LRP1B: variants seen among roughly 807,000 people sequenced by gnomAD.
LRP1B encodes the protein low-density lipoprotein receptor-related protein 1B.
In LRP1B, 217 loss-of-function variants were observed where a neutral mutation model predicts 556.6. The ratio of observed to expected loss-of-function variants is 0.39; its 90% CI spans 0.35 to 0.44. The LOEUF (loss-of-function observed/expected upper bound fraction) is 0.44. LRP1B is among the 20% of genes least tolerant of loss of function. The probability of loss-of-function intolerance (pLI) is 1.00; values close to 1 mark genes in which losing one functional copy is unlikely to be tolerated. For missense variants in LRP1B, 5,053 were observed against 5,620.8 expected (o/e 0.90, Z 3.23); for synonymous variants, 2,047 against 1,865.8 (o/e 1.10, Z -2.50).
At chr2:141,211,604 G>A (rs940095870) in intron 6 of LRP1B, among the ~76,000 whole-genome samples, 22 of 152,168 alleles carry the variant, frequency 1.4e-4, no homozygotes, top group African/African-American at 3.6e-4. Flanking sequence ...GAGACAGAGC[G>A]AGACTCCATC....
At chr2:140,397,892 T>G (rs1317671749) in intron 66 of LRP1B, among the ~76,000 whole-genome samples, 1 of 152,208 alleles carries the variant, frequency 6.6e-6, no homozygotes, top group Admixed American at 6.5e-5. Context: ...TATATTTATC[T>G]TGTTCTGTAT....
intron 3 of LRP1B, among the ~76,000 whole-genome samples, chr2:141,465,838 G>C (rs979898073): frequency 2.0e-5 from 3 of 151,768 alleles, no homozygotes; most frequent in Middle Eastern, 3.5e-3. Flanking sequence ...GAGCCACTGT[G>C]CCTGGCCTAT....
At chr2:140,596,757 C>T (rs1682457772) in intron 43 of LRP1B, among the ~76,000 whole-genome samples, 1 of 152,124 alleles carries the variant, frequency 6.6e-6, no homozygotes, top group Non-Finnish European at 1.5e-5. Context: ...CTTCCTGCTA[C>T]GTATGTGGCT....
At chr2:141,542,242 C>G (rs1189722880) in intron 2 of LRP1B, among the ~76,000 whole-genome samples, 1 of 151,822 alleles carries the variant, frequency 6.6e-6, no homozygotes, top group Non-Finnish European at 1.5e-5. Context: ...TATACTAATA[C>G]CAGCTTTCTA....
intron 32 of LRP1B, among the ~76,000 whole-genome samples, chr2:140,808,892 C>T (rs1027104696): frequency 6.6e-6 from 1 of 152,168 alleles, no homozygotes; most frequent in Non-Finnish European, 1.5e-5. Flanking sequence ...CACTAGAAAA[C>T]CTTCGTAGAA....
chr2:141,319,229 T>A (rs1297894969), intron 3 of LRP1B, among the ~76,000 whole-genome samples: 1 of 151,568 alleles, frequency 6.6e-6, no homozygotes, highest in South Asian at 2.1e-4. Flanking sequence ...GAACTTGTCC[T>A]AAAATATCTT....
At chr2:140,843,549 C>T (rs963481420) in intron 29 of LRP1B, among the ~76,000 whole-genome samples, 2 of 152,140 alleles carry the variant, frequency 1.3e-5, no homozygotes, top group East Asian at 3.9e-4. Context: ...ATACTTTACA[C>T]TTTAACCATA....
chr2:141,101,035 C>A (rs1221361862), intron 7 of LRP1B, among the ~76,000 whole-genome samples: 1 of 152,014 alleles, frequency 6.6e-6, no homozygotes, highest in Non-Finnish European at 1.5e-5. Flanking sequence ...CCATGCAAGG[C>A]CGTGAGTGTC....
intron 7 of LRP1B, among the ~76,000 whole-genome samples, chr2:141,140,092 A>T (rs996529378): frequency 1.3e-5 from 2 of 152,092 alleles, no homozygotes; most frequent in African/African-American, 4.8e-5. Flanking sequence ...CAGGCGAAAG[A>T]GTGTGTGCTG....
At chr2:140,340,088 T>G (rs74652457) in intron 77 of LRP1B, among the ~76,000 whole-genome samples, 10 of 151,386 alleles carry the variant, frequency 6.6e-5, no homozygotes, top group Admixed American at 3.3e-4. Context: ...CTTTTTTTTT[T>G]AAGCCTCTTC....
chr2:141,068,209 C>T (rs1474421399), intron 7 of LRP1B, among the ~76,000 whole-genome samples: 3 of 151,872 alleles, frequency 2.0e-5, no homozygotes, highest in Admixed American at 1.3e-4. Context: ...GGTAAATACC[C>T]GGGGTTCATA....
intron 41 of LRP1B, among the ~76,000 whole-genome samples, chr2:140,621,803 A>T (rs942472238): frequency 6.6e-6 from 1 of 152,162 alleles, no homozygotes; most frequent in Non-Finnish European, 1.5e-5. Context: ...ACTTTTACTG[A>T]ACTTAACGAA....
At chr2:141,711,611 C>T (rs1692360218) in intron 2 of LRP1B, among the ~76,000 whole-genome samples, 1 of 152,158 alleles carries the variant, frequency 6.6e-6, no homozygotes, top group South Asian at 2.1e-4. Flanking sequence ...AGCAATACCC[C>T]TGATGCTTTA....
chr2:140,416,530 C>G (rs771231441), intron 66 of LRP1B, among the ~76,000 whole-genome samples: 8 of 152,016 alleles, frequency 5.3e-5, no homozygotes, highest in African/African-American at 2.4e-5. Context: ...GTGATGCATG[C>G]CTGCAGTCCC....
At chr2:141,470,748 G>A (rs559305330) in intron 3 of LRP1B, among the ~76,000 whole-genome samples, 2 of 152,202 alleles carry the variant, frequency 1.3e-5, no homozygotes, top group African/African-American at 4.8e-5. Context: ...ACGGGATTTG[G>A]CCTCACAGTT....
chr2:141,664,388 T>C (rs1690343975), intron 2 of LRP1B, among the ~76,000 whole-genome samples: 1 of 152,014 alleles, frequency 6.6e-6, no homozygotes, highest in Non-Finnish European at 1.5e-5. Context: ...AAATAAAGGG[T>C]ACTCAAATAG....
intron 1 of LRP1B, among the ~76,000 whole-genome samples, chr2:141,999,651 T>C (rs1162202872): frequency 6.6e-6 from 1 of 151,940 alleles, no homozygotes; most frequent in Non-Finnish European, 1.5e-5. Flanking sequence ...TCTTTTTAAC[T>C]ATATGATGAG....
chr2:140,663,096 T>TA (rs746548736), intron 41 of LRP1B, among the ~76,000 whole-genome samples: 8 of 152,206 alleles, frequency 5.3e-5, no homozygotes, highest in Non-Finnish European at 1.0e-4. Flanking sequence ...AGCTCAATGA[T>TA]ATGTTAAATT....
At chr2:141,228,596 TG>T (rs1683344608) in intron 6 of LRP1B, among the ~76,000 whole-genome samples, 1 of 151,500 alleles carries the variant, frequency 6.6e-6, no homozygotes, top group Non-Finnish European at 1.5e-5. Context: ...TGTGTGTGTG[TG>T]TGTGTGTGTG....
Sources: allele counts gnomAD v4.1 joint callset (sites outside exome capture counted in the v4.1 genomes callset), GRCh38; gene constraint gnomAD v4.1.1; transcripts MANE v1.5; gene names NCBI Gene and HGNC (gene_info 2026-07-23, HGNC 2026-07-21).